CHODL: variants seen among roughly 807,000 people sequenced by gnomAD.
The protein encoded by CHODL is chondrolectin, also known as transmembrane protein MT75.
A neutral mutation model predicts 34.5 loss-of-function variants in CHODL; 29 were observed. That is an observed-to-expected ratio of 0.84 (90% CI 0.63 to 1.15). The LOEUF is 1.15. CHODL is among the 50% of genes most tolerant of loss of function. The probability of loss-of-function intolerance (pLI) is 0.00; values close to 1 mark genes in which losing one functional copy is unlikely to be tolerated. For synonymous variants in CHODL, 125 were observed against 116.1 expected, an observed-to-expected ratio of 1.08 and a Z score of -0.49; for missense variants, 332 against 332.5, an observed-to-expected ratio of 1.00 and a Z score of 0.01.
chr21:18,037,262 T>A (rs2064322420), intron 2 of CHODL, among the ~76,000 whole-genome samples: 2 of 151,866 alleles, frequency 1.3e-5, no homozygotes, highest in Admixed American at 1.3e-4. Context: ...AAACAGAAAG[T>A]TGGGCTAAGT....
Position 17,930,369 on chromosome 21 carries a change from G to A in CHODL, c.-145+12969G>A, listed in dbSNP as rs146784661. Among the ~76,000 whole-genome samples, 1,160 of 152,070 alleles carry A rather than the reference G, an allele frequency of 7.6e-3. 20 individuals carry two copies. Among genetic ancestry groups the A allele is most frequent in the African/African-American group, 0.026 (1,080 of 41,550 alleles). On this transcript the variant is annotated intron_variant, in intron 1 of 6. Transcript: ENST00000400127. ...GCAGCAGTTGTAGGGAGGGAACAGG[G>A]AGACCAGCACCTGCATGTGCCACAA...
chr21:18,184,518 A>C (rs1000066516), intron 2 of CHODL, among the ~76,000 whole-genome samples: 1 of 152,208 alleles, frequency 6.6e-6, no homozygotes, highest in Non-Finnish European at 1.5e-5. Flanking sequence ...GTTTAAAAAT[A>C]TGTGTTTGAT....
intron 2 of CHODL, among the ~76,000 whole-genome samples, chr21:18,138,337 A>G (rs964640100): frequency 1.3e-5 from 2 of 152,184 alleles, no homozygotes; most frequent in Admixed American, 1.3e-4. Flanking sequence ...AAATATTTAA[A>G]TGAACTTTAA....
chr21:18,184,893 C>T (rs768950047), intron 2 of CHODL, among the ~76,000 whole-genome samples: 11 of 152,172 alleles, frequency 7.2e-5, no homozygotes, highest in Non-Finnish European at 2.9e-5. Context: ...TTTATGGAAA[C>T]TTTCAAACCT....
chr21:17,975,141 G>A (rs976773820), intron 1 of CHODL, among the ~76,000 whole-genome samples: 2 of 151,996 alleles, frequency 1.3e-5, no homozygotes, highest in Non-Finnish European at 2.9e-5. Context: ...GCCTGGCCAA[G>A]ATGGTGAAAG....
chr21:18,128,178 G>A (rs1267784567), intron 2 of CHODL, among the ~76,000 whole-genome samples: 5 of 151,090 alleles, frequency 3.3e-5, no homozygotes, highest in African/African-American at 7.3e-5. Context: ...GCGGGCGCCT[G>A]TAGTCCCGGC....
At chr21:18,184,778 C>T (rs763385058) in intron 2 of CHODL, among the ~76,000 whole-genome samples, 19 of 152,112 alleles carry the variant, frequency 1.2e-4, no homozygotes, top group Non-Finnish European at 2.5e-4. Flanking sequence ...GGATTTTCAC[C>T]AAGATTTCTA....
At chr21:18,225,905 T>G (rs533752022) in intron 2 of CHODL, among the ~76,000 whole-genome samples, 4 of 152,066 alleles carry the variant, frequency 2.6e-5, no homozygotes, top group Non-Finnish European at 5.9e-5. Flanking sequence ...ATAATAAACC[T>G]CTTAAAATAT....
rs369518235 is a variant in CHODL, at chr21:17,966,470, A to G, written c.-145+49070A>G. Among the ~76,000 whole-genome samples, 6 of 152,330 alleles carry G rather than the reference A, an allele frequency of 3.9e-5. 1 individual carries two copies. The highest frequency in any genetic ancestry group is 1.3e-4 in the Admixed American group (2 of 15,296). On this transcript the variant is annotated intron_variant, in intron 1 of 6. Coordinates refer to the CHODL transcript ENST00000400127. ...TCTTAGAGTTTAAACAGGCTTTTCA[A>G]TTGGCCCACCTAGATGGAAATGGAT...
intron 2 of CHODL, among the ~76,000 whole-genome samples, chr21:18,225,503 T>A (rs1447938722): frequency 6.6e-6 from 1 of 152,176 alleles, no homozygotes; most frequent in South Asian, 2.1e-4. Context: ...ATCCACCTTT[T>A]ATATTGTTAA....
chr21:18,220,278 C>T (rs1405252599), intron 2 of CHODL, among the ~76,000 whole-genome samples: 1 of 152,114 alleles, frequency 6.6e-6, no homozygotes, highest in Non-Finnish European at 1.5e-5. Context: ...TAAGTCCATT[C>T]AGCCAGTGTA....
chr21:18,245,975 T>C (rs1335548675), intron 1 of CHODL: 5 of 1,524,152 alleles, frequency 3.3e-6, no homozygotes, highest in African/African-American at 2.7e-5. Context: ...ACACAGTAGG[T>C]GCACAATTAA....
chr21:18,184,677 T>G (rs983498988), intron 2 of CHODL, among the ~76,000 whole-genome samples: 29 of 152,232 alleles, frequency 1.9e-4, no homozygotes, highest in African/African-American at 6.3e-4. Flanking sequence ...TTCTGTAAAG[T>G]TTGCAAGTCC....
chr21:18,262,549 C>A (rs1357745184), intron 4 of CHODL, among the ~76,000 whole-genome samples: 2 of 152,112 alleles, frequency 1.3e-5, no homozygotes, highest in African/African-American at 4.8e-5. Flanking sequence ...CTATGTAGGG[C>A]AGCTCCATTA....
intron 2 of CHODL, among the ~76,000 whole-genome samples, chr21:18,111,697 G>A (rs1449404944): frequency 6.6e-6 from 1 of 152,142 alleles, no homozygotes; most frequent in Non-Finnish European, 1.5e-5. Context: ...ACTGGCAAAT[G>A]TTTCTTTATC....
chr21:18,028,369 T>C (rs1600912810), intron 2 of CHODL, among the ~76,000 whole-genome samples: 1 of 151,354 alleles, frequency 6.6e-6, no homozygotes, highest in East Asian at 1.9e-4. Flanking sequence ...ACTTATTATC[T>C]ATTTTTACAG....
At chr21:18,034,111 G>A (rs918843480) in intron 2 of CHODL, among the ~76,000 whole-genome samples, 2 of 151,920 alleles carry the variant, frequency 1.3e-5, no homozygotes, top group African/African-American at 2.4e-5. Flanking sequence ...TATTATGACT[G>A]TGCTTTATTC....
At chr21:18,261,200 A>G (rs1172328287) in intron 4 of CHODL, among the ~76,000 whole-genome samples, 1 of 152,200 alleles carries the variant, frequency 6.6e-6, no homozygotes, top group Admixed American at 6.5e-5. Flanking sequence ...CTAAATGCAT[A>G]GTTCTTGAAT....
chr21:18,253,034 C>A (rs1176779309), intron 1 of CHODL, among the ~76,000 whole-genome samples: 1 of 152,064 alleles, frequency 6.6e-6, no homozygotes, highest in East Asian at 1.9e-4. Flanking sequence ...ATTATTATAT[C>A]TGTATGAACT....
Sources: gnomAD v4.1 joint callset for allele counts (sites outside exome capture counted in the v4.1 genomes callset) on GRCh38, gnomAD v4.1.1 for gene constraint, MANE v1.5 for transcripts, NCBI Gene and HGNC (gene_info 2026-07-23, HGNC 2026-07-21) for gene names.